CIT: variants seen among roughly 807,000 people sequenced by gnomAD.
CIT encodes citron Rho-interacting kinase.
In CIT, 79 loss-of-function variants were observed where a neutral mutation model predicts 272.7. The observed-to-expected ratio is 0.29, with a 90% CI of 0.24 to 0.35. The LOEUF is 0.35. CIT is among the 10% of genes least tolerant of loss of function. CIT has a pLI of 1.00. For missense variants in CIT, 1,909 were observed against 2,618.3 expected (o/e 0.73, Z 5.91); for synonymous variants, 948 against 995.6 (o/e 0.95, Z 0.90).
intron 9 of CIT, among the ~76,000 whole-genome samples, chr12:119,817,410 G>C (rs1967291827): frequency 6.6e-6 from 1 of 152,068 alleles, no homozygotes; most frequent in Non-Finnish European, 1.5e-5. Context: ...TACTCGGGAG[G>C]CTGAGGCAGA....
Position 119,713,697 on chromosome 12 carries a change from A to G in CIT, c.4307-49T>C. ...TGAGGGCATGCTCAGCTGACCCTGG[A>G]CCCTTCCCTTCCTCTGCCAGCCAAC... On this transcript the variant is annotated intron_variant, in intron 33 of 47. Coordinates refer to ENST00000392521, the MANE Select transcript of CIT (RefSeq NM_001206999.2). The surrounding 1 kb of genome is among the most constrained non-coding windows in gnomAD (Gnocchi z 5.2). 2 of 1,594,598 alleles carry G rather than the reference A, an allele frequency of 1.3e-6. No individual in the cohort carries two copies. The highest frequency in any genetic ancestry group is 1.7e-6 in the Non-Finnish European group (2 of 1,162,734).
chr12:119,716,172 G>A (rs924839341), intron 32 of CIT, among the ~76,000 whole-genome samples: 2 of 151,918 alleles, frequency 1.3e-5, no homozygotes, highest in African/African-American at 4.8e-5. Context: ...GAGGTCAGGA[G>A]TTCAAGACCA....
chr12:119,831,443 C>T (rs995372210), intron 7 of CIT, among the ~76,000 whole-genome samples: 2 of 152,096 alleles, frequency 1.3e-5, no homozygotes, highest in Non-Finnish European at 2.9e-5. Flanking sequence ...GCCTGAACAC[C>T]AAGAAAATTA....
chr12:119,713,677 G>C lies in CIT; in HGVS notation c.4307-29C>G. 6.2e-7 allele frequency: 1 copy of C among 1,611,614 alleles called. No individual in the cohort carries two copies. The highest frequency in any genetic ancestry group is 8.5e-7 in the Non-Finnish European group (1 of 1,177,718). ...GGGAAGAACAGTGAGCAACCTGAGG[G>C]CATGCTCAGCTGACCCTGGACCCTT... On this transcript the variant is annotated intron_variant, in intron 33 of 47. Coordinates refer to ENST00000392521, the MANE Select transcript of CIT (RefSeq NM_001206999.2). This position sits in a 1 kb window ranked among gnomAD's most constrained non-coding sequence, Gnocchi z 5.2.
At chr12:119,837,856 C>CGCTTG (rs1161098958) in intron 5 of CIT, among the ~76,000 whole-genome samples, 9 of 152,142 alleles carry the variant, frequency 5.9e-5, no homozygotes, top group Non-Finnish European at 1.3e-4. Context: ...CGCTTGAGGC[C>CGCTTG]AGGAGTTTTG....
In CIT at chr12:119,698,000, T is replaced by C. The variant is rs1373305534; in HGVS notation, c.5678A>G (p.Glu1893Gly). The C allele has an allele frequency of 1.9e-6, 3 of 1,614,220 alleles. No individual in the cohort carries two copies. ...VTHFNSLEVI[E>G]IQARSSAGTP... ...CCCTGCTGAGGAGCGTGCCTGGATC[T>C]CAATTACTTCGAGTGAGTTGAAGTG... is the stretch of plus-strand genomic sequence containing the variant. The change falls in exon 45 of 48, where the codon GAG becomes GGG. Residue 1893 changes from glutamate to glycine, a missense_variant. Physicochemically the swap from Glu to Gly is moderately conservative, Grantham distance 98. Transcript: ENST00000392521. This position sits in a 1 kb window ranked among gnomAD's most constrained non-coding sequence, Gnocchi z 4.9.
intron 9 of CIT, among the ~76,000 whole-genome samples, chr12:119,807,362 C>T (rs996128484): frequency 2.0e-5 from 3 of 152,148 alleles, no homozygotes; most frequent in African/African-American, 7.2e-5. Flanking sequence ...AATCTGGTCA[C>T]GTCCAAAAAC....
intron 20 of CIT, among the ~76,000 whole-genome samples, chr12:119,759,221 C>T (rs143179422): frequency 5.3e-5 from 8 of 152,322 alleles, no homozygotes; most frequent in African/African-American, 7.2e-5. Context: ...AGGAGGTGAG[C>T]GGCCAGCGAG....
Position 119,784,914 on chromosome 12 carries a change from G to A in CIT, c.1401+46C>T, listed in dbSNP as rs776350350. ...GCGGATCCCTTGGCATATACGGACGGGAGGATCCTGGAGCAAGGAAGGAGG... is the reference window on the plus strand; with the variant it reads ...GCGGATCCCTTGGCATATACGGACGAGAGGATCCTGGAGCAAGGAAGGAGG... On this transcript the variant is annotated intron_variant, in intron 11 of 47. Transcript: ENST00000392521. The surrounding 1 kb of genome is among the most constrained non-coding windows in gnomAD (Gnocchi z 4.7). 1.9e-6 allele frequency: 3 copies of A among 1,608,542 alleles called. No homozygotes were observed. The highest frequency in any genetic ancestry group is 1.1e-5 in the South Asian group (1 of 90,162).
chr12:119,775,760 T>C, intron 16 of CIT, 26 bp downstream of exon 16: 2 of 1,599,652 alleles, frequency 1.3e-6, no homozygotes, highest in East Asian at 4.5e-5. Context: ...GGGGGGTAAG[T>C]TCCTGAAAAA....
chr12:119,711,204 G>C, intron 37 of CIT: 1 of 831,272 alleles, frequency 1.2e-6, no homozygotes, highest in South Asian at 1.3e-5. Flanking sequence ...GGAGGCTTGT[G>C]GTTAAGAATC....
In CIT at chr12:119,776,369, T is replaced by C. The variant is rs138430777; in HGVS notation, c.1876A>G (p.Lys626Glu). The C allele has an allele frequency of 2.8e-4, 446 of 1,613,520 alleles. 3 individuals carry two copies. In the East Asian group the frequency reaches 7.8e-3, roughly 28 times the overall value. ...QGKPEVGEYA[K>E]LEKINAEQQL... ...CATGGAAAGTATACCTTCTCCAGTT[T>C]CGCATATTCTCCCACTTCAGGCTTC... Residue 626 changes from lysine to glutamate, a missense_variant, in exon 15 of 48, where the codon AAA becomes GAA. By Grantham distance (56) the Lys-to-Glu change is moderately conservative. Around this residue, in one of 8 missense-constraint regions of CIT, gnomAD observed 530 missense variants for 822.4 expected, o/e 0.64. Coordinates refer to ENST00000392521, the MANE Select transcript of CIT (RefSeq NM_001206999.2).
intron 46 of CIT, among the ~76,000 whole-genome samples, chr12:119,695,704 G>A (rs1328878216): frequency 6.6e-6 from 1 of 152,102 alleles, no homozygotes; most frequent in African/African-American, 2.4e-5. Flanking sequence ...GCTGAGGTAG[G>A]AGGATCACCT....
At chr12:119,856,660 C>T (rs1427210998) in intron 4 of CIT, among the ~76,000 whole-genome samples, 4 of 152,110 alleles carry the variant, frequency 2.6e-5, no homozygotes, top group Non-Finnish European at 4.4e-5. Flanking sequence ...TTCCCCCCAT[C>T]GGTGAGAACT....
intron 7 of CIT, among the ~76,000 whole-genome samples, chr12:119,827,559 T>C (rs1196693636): frequency 6.6e-6 from 1 of 152,000 alleles, no homozygotes; most frequent in Non-Finnish European, 1.5e-5. Flanking sequence ...TGCCTCAGCC[T>C]CTCGAGTAAC....
Position 119,710,724 on chromosome 12 carries a change from T to G in CIT, c.4855-104A>C. The G allele has an allele frequency of 9.1e-7, 1 of 1,104,704 alleles. No homozygotes were observed. Among genetic ancestry groups the G allele is most frequent in the African/African-American group, 1.5e-5 (1 of 64,644 alleles). 68.4% of individuals were successfully genotyped at this position (1,104,704 alleles called of 1,614,324 possible). Reference sequence around the variant, plus strand: ...CAAGAGAAGGTTAAGGCCAAGTTATTCCTGGAAATGCTCAGAAACGCACAT... The same window carrying G: ...CAAGAGAAGGTTAAGGCCAAGTTATGCCTGGAAATGCTCAGAAACGCACAT... On this transcript the variant is annotated intron_variant, in intron 37 of 47. Transcript: ENST00000392521. This position sits in a 1 kb window ranked among gnomAD's most constrained non-coding sequence, Gnocchi z 5.6.
intron 44 of CIT, 174 bp from the exon 45 acceptor site, chr12:119,698,228 G>A (rs1204079578): frequency 2.2e-5 from 14 of 645,938 alleles, no homozygotes; most frequent in Admixed American, 6.7e-5. Flanking sequence ...ATTCACTGCC[G>A]TGTGGTTTGT....
At chr12:119,732,955 A>G (rs1958544995) in intron 26 of CIT, among the ~76,000 whole-genome samples, 1 of 152,218 alleles carries the variant, frequency 6.6e-6, no homozygotes, top group South Asian at 2.1e-4. Flanking sequence ...GTCCTTCTAG[A>G]CCATTTCTTT....
chr12:119,777,601 C>T (rs1044276549), intron 13 of CIT, among the ~76,000 whole-genome samples: 5 of 150,416 alleles, frequency 3.3e-5, no homozygotes, highest in African/African-American at 9.8e-5. Flanking sequence ...ACCCGGGAGG[C>T]GGAGGTTGCA....
Sources: gnomAD v4.1 joint callset for allele counts (sites outside exome capture counted in the v4.1 genomes callset) on GRCh38, gnomAD v4.1.1 for gene constraint, gnomAD v4.1.1 regional missense constraint, Gnocchi (gnomAD v3.1) non-coding constraint, MANE v1.5 for transcripts, NCBI Gene and HGNC (gene_info 2026-07-23, HGNC 2026-07-21) for gene names.